The following PDE4D variants were observed in gnomAD, a reference collection of about 807,000 sequenced individuals.
PDE4D encodes 3',5'-cyclic-AMP phosphodiesterase 4D.
Under a neutral mutation model 87.4 loss-of-function variants are expected in PDE4D, and 24 were observed. The ratio of observed to expected loss-of-function variants is 0.27; its 90% confidence interval spans 0.20 to 0.39. The LOEUF is 0.39. Among genes scored for constraint, PDE4D ranks in the 10% least tolerant of loss-of-function variants. PDE4D has a pLI of 1.00. For missense variants in PDE4D, 714 were observed against 1,041.0 expected (o/e 0.69, Z 4.32); for synonymous variants, 384 against 383.2 (o/e 1.00, Z -0.02).
intron 1 of PDE4D, among the ~76,000 whole-genome samples, chr5:59,648,956 T>C (rs528015960): frequency 6.6e-6 from 1 of 152,280 alleles, no homozygotes; most frequent in African/African-American, 2.4e-5. Flanking sequence ...GAAAAGGCAA[T>C]TTTAAGCATT....
chr5:59,454,043 C>G lies in PDE4D; in HGVS notation c.456-238075G>C, dbSNP rs764372721. Among the ~76,000 whole-genome samples, 132 of 152,282 alleles carry G rather than the reference C, an allele frequency of 8.7e-4. 1 individual carries two copies. Among genetic ancestry groups the G allele is most frequent in the Middle Eastern group, 6.8e-3 (2 of 294 alleles). On this transcript the variant is annotated intron_variant, in intron 1 of 14. Transcript: ENST00000340635. The stretch of plus-strand genomic sequence containing the variant: ...ATCCTGGGGCCATTCAGAATTACAC[C>G]AAATCTATTCTGCCTGTGCTTGTGC...
At chr5:59,712,785 G>A (rs1382055836) in intron 1 of PDE4D, among the ~76,000 whole-genome samples, 1 of 152,190 alleles carries the variant, frequency 6.6e-6, no homozygotes, top group African/African-American at 2.4e-5. Context: ...CAAGATTTAT[G>A]TTTCAGGCAT....
At chr5:59,284,158 G>A (rs940502163) in intron 1 of PDE4D, among the ~76,000 whole-genome samples, 6 of 151,996 alleles carry the variant, frequency 3.9e-5, no homozygotes, top group African/African-American at 1.4e-4. Context: ...TCAGGACTAC[G>A]CCTCCCATCC....
chr5:59,436,988 G>A lies in PDE4D; in HGVS notation c.456-221020C>T, dbSNP rs771886266. 4.6e-5 allele frequency among the ~76,000 whole-genome samples: 7 copies of A among 152,242 alleles called. No homozygotes were observed. The South Asian group carries it at 6.2e-4, about 14-fold the overall frequency. On this transcript the variant is annotated intron_variant, in intron 1 of 14. Coordinates refer to ENST00000340635, the MANE Select transcript of PDE4D (RefSeq NM_001104631.2). ...AATACAAGGACAGTAAATTAGGCCT[G>A]GTCCAAGTGCCATTTAACAGGTACC...
intron 1 of PDE4D, among the ~76,000 whole-genome samples, chr5:59,349,250 G>A (rs962458453): frequency 2.0e-4 from 31 of 152,162 alleles, no homozygotes; most frequent in Admixed American, 9.2e-4. Context: ...AAATTAAAAA[G>A]GCTTGTCAAT....
intron 1 of PDE4D, among the ~76,000 whole-genome samples, chr5:59,545,419 G>A (rs1039091978): frequency 3.3e-5 from 5 of 152,122 alleles, no homozygotes; most frequent in African/African-American, 1.2e-4. Flanking sequence ...AGTTTACCCA[G>A]TTTCATTCTA....
At chr5:59,087,408 C>T (rs1561461067) in intron 5 of PDE4D, among the ~76,000 whole-genome samples, 1 of 152,144 alleles carries the variant, frequency 6.6e-6, no homozygotes, top group East Asian at 1.9e-4. Context: ...ATCGTTTGAG[C>T]CTGGGAGGTC....
At chr5:59,082,389 T>G (rs995341681) in intron 5 of PDE4D, among the ~76,000 whole-genome samples, 3 of 152,158 alleles carry the variant, frequency 2.0e-5, no homozygotes, top group Non-Finnish European at 4.4e-5. Context: ...CAAATATTTT[T>G]AAGAGAGAAG....
intron 1 of PDE4D, among the ~76,000 whole-genome samples, chr5:59,517,255 ACTT>A (rs1399006957): frequency 1.3e-5 from 2 of 152,182 alleles, no homozygotes; most frequent in African/African-American, 2.4e-5. Context: ...AGCACTGAAA[ACTT>A]CTTTAACCTT....
At chr5:59,829,472 CT>C (rs1740849931) in intron 1 of PDE4D, among the ~76,000 whole-genome samples, 1 of 151,974 alleles carries the variant, frequency 6.6e-6, no homozygotes, top group South Asian at 2.1e-4. Context: ...CTGGCAGCTC[CT>C]GTTATAACAC....
intron 6 of PDE4D, 111 bp from the exon 7 acceptor site, chr5:58,993,576 T>A: frequency 1.5e-6 from 1 of 660,702 alleles, no homozygotes; most frequent in Non-Finnish European, 2.6e-6. Flanking sequence ...TAAGTTGTCC[T>A]GACAATTTAG....
intron 2 of PDE4D, among the ~76,000 whole-genome samples, chr5:60,149,837 A>G (rs58203101): frequency 0.075 from 11,082 of 147,694 alleles, 521 homozygotes; most frequent in South Asian, 0.16. Context: ...GTATATGTAG[A>G]TATAGTACTA....
intron 1 of PDE4D, among the ~76,000 whole-genome samples, chr5:59,262,051 T>C (rs1030018296): frequency 2.0e-5 from 3 of 151,930 alleles, no homozygotes; most frequent in Non-Finnish European, 2.9e-5. Context: ...GAAACACTTA[T>C]ATAAATGCAC....
chr5:59,823,232 T>C (rs1469580409), intron 1 of PDE4D, among the ~76,000 whole-genome samples: 1 of 152,206 alleles, frequency 6.6e-6, no homozygotes, highest in Non-Finnish European at 1.5e-5. Context: ...TCATGTCCCT[T>C]TCGCCCCCTG....
rs1554032619 is a variant in PDE4D, at chr5:58,974,043, T to TAA, written c.*619_*620dup. On this transcript the variant is annotated 3_prime_UTR_variant, in exon 15 of 15. Transcript: ENST00000340635. Reference sequence around the variant, plus strand: ...TTCTGAACATAGTTTTTTTTAAATATAATACCTCAATACATTTAATAATAA... The same window carrying TAA: ...TTCTGAACATAGTTTTTTTTAAATATAAAATACCTCAATACATTTAATAATAA... 1.3e-5 allele frequency: 2 copies of TAA among 152,600 alleles called. No individual in the cohort carries two copies. Among genetic ancestry groups the TAA allele is most frequent in the African/African-American group, 4.8e-5 (2 of 41,440 alleles). The allele number at this position is 152,600 out of a possible 1,614,324, so 9.5% of individuals were successfully genotyped here. A position where few individuals can be genotyped will look rare whatever the true frequency, so the allele number is the denominator to read the frequency against.
At chr5:59,388,913 G>C (rs1440700368) in intron 1 of PDE4D, among the ~76,000 whole-genome samples, 1 of 151,990 alleles carries the variant, frequency 6.6e-6, no homozygotes, top group Non-Finnish European at 1.5e-5. Context: ...TTATAAAATT[G>C]TGTGAGCATG....
chr5:59,108,955 A>ATGTGTG (rs57004711), intron 5 of PDE4D, among the ~76,000 whole-genome samples: 5,987 of 121,662 alleles, frequency 0.049, 201 homozygotes, highest in Admixed American at 0.084. Context: ...TAGGAACTCA[A>ATGTGTG]TGTGTGTGTG....
intron 1 of PDE4D, among the ~76,000 whole-genome samples, chr5:59,569,769 A>T (rs1355405218): frequency 6.6e-6 from 1 of 152,048 alleles, no homozygotes; most frequent in Non-Finnish European, 1.5e-5. Context: ...CAACCACTTT[A>T]TATGTGACAA....
chr5:59,961,377 A>G (rs1305789493), intron 3 of PDE4D, among the ~76,000 whole-genome samples: 3 of 151,794 alleles, frequency 2.0e-5, no homozygotes, highest in Non-Finnish European at 4.4e-5. Flanking sequence ...AGGAGTGCCA[A>G]GGGTTGGAAG....
Sources: allele counts gnomAD v4.1 joint callset (sites outside exome capture counted in the v4.1 genomes callset), GRCh38; gene constraint gnomAD v4.1.1; transcripts MANE v1.5; gene names NCBI Gene and HGNC (gene_info 2026-07-23, HGNC 2026-07-21).